ZFAND6: variants seen among roughly 807,000 people sequenced by gnomAD.
The protein encoded by ZFAND6 is AN1-type zinc finger protein 6.
ZFAND6 carries 12 observed loss-of-function variants against 24.5 expected under a neutral mutation model. The ratio of observed to expected loss-of-function variants is 0.49; its 90% confidence interval spans 0.31 to 0.79. The LOEUF is 0.79. Ranked by LOEUF, ZFAND6 falls within the 30% of genes least tolerant of loss-of-function variation. The probability of loss-of-function intolerance (pLI) is 0.04; values close to 1 mark genes in which losing one functional copy is unlikely to be tolerated. For synonymous variants in ZFAND6, 92 were observed against 81.5 expected (o/e 1.13, Z -0.69); for missense variants, 207 against 245.9 (o/e 0.84, Z 1.06).
chr15:80,102,297 C>T (rs1283629034), intron 2 of ZFAND6, among the ~76,000 whole-genome samples: 1 of 151,800 alleles, frequency 6.6e-6, no homozygotes, highest in Non-Finnish European at 1.5e-5. Flanking sequence ...TTAGTAGAGA[C>T]AAAGTTTTAC....
chr15:80,113,032 G>GTAACACTTTGTA (rs2039689691), intron 2 of ZFAND6, among the ~76,000 whole-genome samples: 1 of 152,186 alleles, frequency 6.6e-6, no homozygotes, highest in Admixed American at 6.5e-5. Flanking sequence ...TTACCTTTGT[G>GTAACACTTTGTA]TAACACTTTG....
At chr15:80,116,230 C>G (rs2039871951) in intron 2 of ZFAND6, among the ~76,000 whole-genome samples, 1 of 151,954 alleles carries the variant, frequency 6.6e-6, no homozygotes, top group Non-Finnish European at 1.5e-5. Flanking sequence ...ACCCTTTCCT[C>G]CAAAAATCAG....
intron 1 of ZFAND6, among the ~76,000 whole-genome samples, chr15:80,093,166 C>G (rs1454663875): frequency 6.6e-6 from 1 of 151,720 alleles, no homozygotes; most frequent in East Asian, 2.0e-4. Context: ...GGGGTTTCAC[C>G]ATGCTGACCA....
chr15:80,121,608 C>A lies in ZFAND6; in HGVS notation c.155-104C>A, dbSNP rs186309629. The stretch of plus-strand genomic sequence containing the variant: ...CAACATACTACATATTAAAAGAAAA[C>A]CTCTATACTGTGTTCTGTGGAAAAT... On this transcript the variant is annotated intron_variant, in intron 3 of 6. Coordinates refer to ENST00000261749, the MANE Select transcript of ZFAND6 (RefSeq NM_019006.4). 9.4e-4 allele frequency: 822 copies of A among 870,634 alleles called. 5 individuals are homozygous for A. The Middle Eastern group carries it at 0.011, about 12-fold the overall frequency. The allele number at this position is 870,634 out of a possible 1,614,324, so 53.9% of individuals were successfully genotyped here.
chr15:80,125,396 A>G (rs996664753), intron 5 of ZFAND6, among the ~76,000 whole-genome samples: 7 of 152,190 alleles, frequency 4.6e-5, no homozygotes, highest in African/African-American at 1.7e-4. Context: ...AGTAGCAGCT[A>G]TATGTCTAAG....
At chr15:80,077,361 C>T (rs944522161) in intron 1 of ZFAND6, among the ~76,000 whole-genome samples, 2 of 152,104 alleles carry the variant, frequency 1.3e-5, no homozygotes, top group African/African-American at 2.4e-5. Context: ...ATAAAATTGA[C>T]GTGAACAGAA....
At chr15:80,131,417 C>A in intron 6 of ZFAND6, 124 bp downstream of exon 6, 1 of 701,426 alleles carries the variant, frequency 1.4e-6, no homozygotes, top group South Asian at 3.4e-5. Flanking sequence ...ATATACTTCA[C>A]CTTCTGAATT....
chr15:80,081,625 A>G (rs541117923), intron 1 of ZFAND6, among the ~76,000 whole-genome samples: 4 of 152,226 alleles, frequency 2.6e-5, no homozygotes, highest in African/African-American at 7.2e-5. Context: ...TCTGAACACA[A>G]TTTGAACAGT....
At chr15:80,135,034 C>T (rs1422480086) in intron 6 of ZFAND6, among the ~76,000 whole-genome samples, 1 of 152,120 alleles carries the variant, frequency 6.6e-6, no homozygotes, top group African/African-American at 2.4e-5. Flanking sequence ...CCAAGTATGC[C>T]TGCCTCTCCA....
At chr15:80,070,793 T>A (rs892878812) in intron 1 of ZFAND6, among the ~76,000 whole-genome samples, 10 of 152,376 alleles carry the variant, frequency 6.6e-5, no homozygotes, top group African/African-American at 2.4e-4. Flanking sequence ...ATTAAACTGT[T>A]TGCCATCTCT....
chr15:80,060,869 C>G (rs1398272866), intron 1 of ZFAND6: 1 of 152,224 alleles, frequency 6.6e-6, no homozygotes, highest in Non-Finnish European at 1.5e-5. Flanking sequence ...TGCAGTGAAC[C>G]AAGATCGCGC....
At position 80,131,975 on chromosome 15, in the gene ZFAND6, T is replaced by C. The variant is rs142478130; in HGVS notation, c.478+682T>C. Among the ~76,000 whole-genome samples, 313 of 152,200 alleles carry C rather than the reference T, an allele frequency of 2.1e-3. 1 individual carries two copies. Among genetic ancestry groups the C allele is most frequent in the Non-Finnish European group, 3.1e-3 (213 of 67,998 alleles). The stretch of plus-strand genomic sequence containing the variant: ...GAGTAGGACTTATAACTGATGGAAA[T>C]AGGGGCATTTCAGGCAGAAAGAATA... On this transcript the variant is annotated intron_variant, in intron 6 of 6. Transcript: ENST00000261749.
Position 80,122,715 on chromosome 15 carries a change from G to C in ZFAND6, c.279G>C (p.Gln93His). The C allele has an allele frequency of 2.5e-6, 4 of 1,613,320 alleles. No individual in the cohort carries two copies. Among genetic ancestry groups the C allele is most frequent in the Non-Finnish European group, 3.4e-6 (4 of 1,179,652 alleles). ...SSMQPSPVSNQSLLSESVASS... is the reference protein window; with the variant it reads ...SSMQPSPVSNHSLLSESVASS... ...GCTTTTCTAGCCCTGTATCAAATCAGTCACTTTTATCAGAATCTGTAGCAT... is the reference window on the plus strand; with the variant it reads ...GCTTTTCTAGCCCTGTATCAAATCACTCACTTTTATCAGAATCTGTAGCAT... The change falls in exon 5 of 7, where the codon CAG (glutamine) becomes CAC (histidine). Residue 93 changes from glutamine (Q) to histidine (H), a missense_variant. By Grantham distance (24) the Gln-to-His change is conservative. Coordinates refer to ENST00000261749, the MANE Select transcript of ZFAND6 (RefSeq NM_019006.4).
intron 2 of ZFAND6, among the ~76,000 whole-genome samples, chr15:80,109,509 A>G (rs1303631301): frequency 6.6e-6 from 1 of 152,234 alleles, no homozygotes; most frequent in Admixed American, 6.5e-5. Context: ...TAGAAGGAAT[A>G]GCAAGTACAA....
At chr15:80,081,391 A>G (rs2037659262) in intron 1 of ZFAND6, among the ~76,000 whole-genome samples, 1 of 152,226 alleles carries the variant, frequency 6.6e-6, no homozygotes, top group Non-Finnish European at 1.5e-5. Context: ...TCAGTGTTAA[A>G]GACTTTAGAC....
intron 5 of ZFAND6, among the ~76,000 whole-genome samples, chr15:80,129,328 C>T (rs1342814602): frequency 6.6e-6 from 1 of 152,214 alleles, no homozygotes; most frequent in Non-Finnish European, 1.5e-5. Context: ...GAGTAACATG[C>T]TATAGAGTTT....
In ZFAND6 at chr15:80,121,865, T is replaced by C. The variant is rs779429669; in HGVS notation, c.263+45T>C. The C allele has an allele frequency of 1.1e-5, 16 of 1,491,368 alleles. No homozygotes were observed. In the South Asian group the frequency reaches 1.9e-4, roughly 18 times the overall value. 92.4% of individuals were successfully genotyped at this position (1,491,368 alleles called of 1,614,324 possible). On this transcript the variant is annotated intron_variant, in intron 4 of 6. Transcript: ENST00000261749. ...TTCTAATGAGAATGCTAATAAAAAC[T>C]AAAGAGTATATTCTGTGTTTGATTA...
intron 1 of ZFAND6, among the ~76,000 whole-genome samples, chr15:80,094,401 G>A (rs527880820): frequency 1.3e-5 from 2 of 152,250 alleles, no homozygotes; most frequent in East Asian, 3.9e-4. Context: ...GTTACACACT[G>A]CTTATGAGAA....
intron 1 of ZFAND6, among the ~76,000 whole-genome samples, chr15:80,078,792 T>C (rs2037445080): frequency 6.6e-6 from 1 of 151,784 alleles, no homozygotes; most frequent in South Asian, 2.1e-4. Flanking sequence ...TTGATTTGCA[T>C]TTCTCTAATG....
Sources: gnomAD v4.1 joint callset for allele counts (sites outside exome capture counted in the v4.1 genomes callset) on GRCh38, gnomAD v4.1.1 for gene constraint, MANE v1.5 for transcripts, NCBI Gene and HGNC (gene_info 2026-07-23, HGNC 2026-07-21) for gene names.